Variants in MACROD2 observed in about 807,000 individuals in gnomAD.
The protein encoded by MACROD2 is ADP-ribose glycohydrolase MACROD2.
MACROD2 carries 36 observed loss-of-function variants against 70.4 expected under a neutral mutation model. The observed-to-expected ratio is 0.51, with a 90% CI of 0.39 to 0.68. The LOEUF (loss-of-function observed/expected upper bound fraction) is 0.68. Ranked by LOEUF, MACROD2 falls within the 30% of genes least tolerant of loss-of-function variation. The pLI is 0.00. For synonymous variants in MACROD2, 172 were observed against 178.8 expected (o/e 0.96, Z 0.30); for missense variants, 496 against 538.4 (o/e 0.92, Z 0.78).
At chr20:15,223,688 T>C (rs1433992131) in intron 5 of MACROD2, among the ~76,000 whole-genome samples, 1 of 152,226 alleles carries the variant, frequency 6.6e-6, no homozygotes, top group Non-Finnish European at 1.5e-5. Flanking sequence ...TTCTTATTTA[T>C]CTGCCACCTG....
chr20:14,104,533 G>A (rs560732071), intron 3 of MACROD2, among the ~76,000 whole-genome samples: 3 of 152,322 alleles, frequency 2.0e-5, no homozygotes, highest in South Asian at 2.1e-4. Context: ...ATGTAGCACA[G>A]CACTTGGCAC....
intron 5 of MACROD2, among the ~76,000 whole-genome samples, chr20:15,160,351 C>A (rs2076339872): frequency 6.6e-6 from 1 of 152,038 alleles, no homozygotes; most frequent in South Asian, 2.1e-4. Flanking sequence ...GAGCTGTAGA[C>A]AACAATTCCA....
At chr20:14,757,149 A>G (rs2071951862) in intron 5 of MACROD2, among the ~76,000 whole-genome samples, 1 of 152,180 alleles carries the variant, frequency 6.6e-6, no homozygotes, top group African/African-American at 2.4e-5. Context: ...AAAGAAAATA[A>G]AGGTGTCTTG....
intron 5 of MACROD2, among the ~76,000 whole-genome samples, chr20:14,741,753 T>G (rs1223760751): frequency 6.6e-6 from 1 of 152,104 alleles, no homozygotes; most frequent in Non-Finnish European, 1.5e-5. Context: ...TATTTTCTTT[T>G]TAAGAATGCA....
chr20:14,776,458 T>A (rs2072235726), intron 5 of MACROD2, among the ~76,000 whole-genome samples: 1 of 151,978 alleles, frequency 6.6e-6, no homozygotes, highest in Non-Finnish European at 1.5e-5. Context: ...TACACAATAA[T>A]GACAATAATT....
intron 5 of MACROD2, among the ~76,000 whole-genome samples, chr20:15,022,248 A>G (rs1199064134): frequency 2.0e-5 from 3 of 152,164 alleles, no homozygotes; most frequent in African/African-American, 7.2e-5. Context: ...AACATGACAG[A>G]TATTTTAGCT....
intron 3 of MACROD2, among the ~76,000 whole-genome samples, chr20:14,377,424 C>T (rs2083382601): frequency 6.6e-6 from 1 of 152,150 alleles, no homozygotes; most frequent in Non-Finnish European, 1.5e-5. Flanking sequence ...GATTTTTCAC[C>T]ACCTTGTCCT....
intron 6 of MACROD2, among the ~76,000 whole-genome samples, chr20:15,374,678 G>C (rs935241278): frequency 6.6e-6 from 1 of 152,148 alleles, no homozygotes; most frequent in Non-Finnish European, 1.5e-5. Context: ...GAGCAAGAAA[G>C]AGATGTTTTC....
intron 15 of MACROD2, among the ~76,000 whole-genome samples, chr20:16,020,356 C>T (rs1392796934): frequency 2.0e-5 from 3 of 151,934 alleles, no homozygotes; most frequent in East Asian, 3.9e-4. Context: ...AGGGCTCAGC[C>T]GGATGTAACT....
intron 15 of MACROD2, among the ~76,000 whole-genome samples, chr20:15,989,972 A>G (rs1204438242): frequency 6.6e-6 from 1 of 152,178 alleles, no homozygotes; most frequent in African/African-American, 2.4e-5. Context: ...ATGTTGCAAC[A>G]TTAAGTTTTG....
chr20:15,544,767 A>T (rs2048004695), intron 8 of MACROD2, among the ~76,000 whole-genome samples: 1 of 152,332 alleles, frequency 6.6e-6, no homozygotes, highest in East Asian at 1.9e-4. Context: ...TAGGTAAATA[A>T]CAGCTATCTG....
intron 5 of MACROD2, among the ~76,000 whole-genome samples, chr20:15,165,510 A>G (rs1357155606): frequency 6.6e-6 from 1 of 152,212 alleles, no homozygotes; most frequent in South Asian, 2.1e-4. Flanking sequence ...ATGAACAAAT[A>G]GGATCCTTGG....
chr20:14,196,780 C>G (rs1396310479), intron 3 of MACROD2, among the ~76,000 whole-genome samples: 1 of 152,196 alleles, frequency 6.6e-6, no homozygotes, highest in African/African-American at 2.4e-5. Flanking sequence ...TGTAGAACAG[C>G]TTTCTAAATT....
intron 8 of MACROD2, among the ~76,000 whole-genome samples, chr20:15,565,859 A>G (rs574133206): frequency 6.6e-6 from 1 of 152,200 alleles, no homozygotes; most frequent in South Asian, 2.1e-4. Flanking sequence ...GTATTCTTTT[A>G]GTAGTGCTGT....
At chr20:15,765,131 A>AT (rs756548957) in intron 8 of MACROD2, among the ~76,000 whole-genome samples, 103 of 152,296 alleles carry the variant, frequency 6.8e-4, no homozygotes, top group Non-Finnish European at 1.3e-3. Context: ...ATAGCCCTCC[A>AT]TGCTCTATAG....
chr20:15,590,361 C>T (rs566981279), intron 8 of MACROD2, among the ~76,000 whole-genome samples: 9 of 152,276 alleles, frequency 5.9e-5, no homozygotes, highest in African/African-American at 9.6e-5. Flanking sequence ...ATCTTTCTTA[C>T]AGTTGCACAG....
At chr20:14,681,047 A>C (rs1469949631) in intron 4 of MACROD2, among the ~76,000 whole-genome samples, 1 of 152,200 alleles carries the variant, frequency 6.6e-6, no homozygotes, top group Non-Finnish European at 1.5e-5. Flanking sequence ...CAAGACATCT[A>C]GCATTATTAA....
intron 5 of MACROD2, among the ~76,000 whole-genome samples, chr20:15,090,417 G>C (rs948221130): frequency 2.6e-5 from 4 of 151,946 alleles, no homozygotes; most frequent in African/African-American, 9.7e-5. Flanking sequence ...CTGAAATATT[G>C]TTTGCCCAGA....
In MACROD2 at chr20:14,896,685, T is replaced by C. The variant is rs186112737; in HGVS notation, c.418+211726T>C. Among the ~76,000 whole-genome samples, 27 of 152,182 alleles carry C rather than the reference T, an allele frequency of 1.8e-4. No individual in the cohort carries two copies. In the East Asian group the frequency reaches 5.2e-3, roughly 29 times the overall value. On this transcript the variant is annotated intron_variant, in intron 5 of 17. Transcript: ENST00000684519. ...AAATGACATCAAGCATTGATCTGCCTGAATAAAGCAATTCTACCAGTTATA... is the reference window on the plus strand; with the variant it reads ...AAATGACATCAAGCATTGATCTGCCCGAATAAAGCAATTCTACCAGTTATA...
Sources: gnomAD v4.1 joint callset for allele counts (sites outside exome capture counted in the v4.1 genomes callset) on GRCh38, gnomAD v4.1.1 for gene constraint, MANE v1.5 for transcripts, NCBI Gene and HGNC (gene_info 2026-07-23, HGNC 2026-07-21) for gene names.